Variants in CACNA2D3 observed in about 807,000 individuals in gnomAD.
CACNA2D3 encodes calcium voltage-gated channel auxiliary subunit alpha2delta 3, also known as voltage-dependent calcium channel subunit alpha-2/delta-3.
Under a neutral mutation model 160.6 loss-of-function variants are expected in CACNA2D3, and 60 were observed. The ratio of observed to expected loss-of-function variants is 0.37; its 90% CI spans 0.30 to 0.46. CACNA2D3 has a LOEUF of 0.46. Ranked by LOEUF, CACNA2D3 falls within the 20% of genes least tolerant of loss-of-function variation. The pLI is 1.00. For synonymous variants in CACNA2D3, 558 were observed against 492.9 expected, an observed-to-expected ratio of 1.13 and a Z score of -1.75; for missense variants, 1,205 against 1,365.0, an observed-to-expected ratio of 0.88 and a Z score of 1.85.
At chr3:54,687,696 G>A (rs1384947554) in intron 11 of CACNA2D3, among the ~76,000 whole-genome samples, 1 of 152,204 alleles carries the variant, frequency 6.6e-6, no homozygotes, top group African/African-American at 2.4e-5. Flanking sequence ...GTGTTTGCAG[G>A]AATCATGGAA....
intron 31 of CACNA2D3, among the ~76,000 whole-genome samples, chr3:54,997,064 C>G (rs1427868593): frequency 6.6e-6 from 1 of 152,074 alleles, no homozygotes; most frequent in African/African-American, 2.4e-5. Flanking sequence ...GGAGAAATAC[C>G]TAATGTAGAT....
At chr3:54,662,060 T>C (rs1377414188) in intron 11 of CACNA2D3, among the ~76,000 whole-genome samples, 2 of 152,170 alleles carry the variant, frequency 1.3e-5, no homozygotes, top group Admixed American at 6.5e-5. Flanking sequence ...CTATGCATCA[T>C]AAATTACATA....
intron 35 of CACNA2D3, among the ~76,000 whole-genome samples, chr3:55,045,289 A>G (rs1704050670): frequency 6.6e-6 from 1 of 152,148 alleles, no homozygotes; most frequent in South Asian, 2.1e-4. Context: ...ACCTCAGGTG[A>G]TCCACCCACC....
At chr3:54,611,016 G>A (rs2106788734) in intron 9 of CACNA2D3, among the ~76,000 whole-genome samples, 1 of 152,272 alleles carries the variant, frequency 6.6e-6, no homozygotes, top group South Asian at 2.1e-4. Flanking sequence ...TTTGTGGACA[G>A]CATTCATGTC....
intron 35 of CACNA2D3, among the ~76,000 whole-genome samples, chr3:55,044,650 G>A (rs925965835): frequency 6.6e-6 from 1 of 151,666 alleles, no homozygotes; most frequent in Non-Finnish European, 1.5e-5. Context: ...CCAGAGTGAT[G>A]GTGAATAGGA....
chr3:54,647,353 G>A (rs1311581230), intron 11 of CACNA2D3, among the ~76,000 whole-genome samples: 2 of 152,214 alleles, frequency 1.3e-5, no homozygotes, highest in East Asian at 3.8e-4. Context: ...ATGCTATAAA[G>A]CATCCGCAAG....
At chr3:54,475,494 T>G (rs1700812358) in intron 4 of CACNA2D3, among the ~76,000 whole-genome samples, 1 of 152,146 alleles carries the variant, frequency 6.6e-6, no homozygotes, top group Non-Finnish European at 1.5e-5. Context: ...GAAGAAATCT[T>G]CTTTTAAGAA....
chr3:54,294,766 G>A lies in CACNA2D3; in HGVS notation c.205-25676G>A, dbSNP rs578226111. On this transcript the variant is annotated intron_variant, in intron 2 of 37. Coordinates refer to ENST00000474759, the MANE Select transcript of CACNA2D3 (RefSeq NM_018398.3). Reference sequence around the variant, plus strand: ...GGAAAAAAAATAAAGAGATAGAGCTGGAGATTGCCTGGACTGCAGAGGAAG... The same window carrying A: ...GGAAAAAAAATAAAGAGATAGAGCTAGAGATTGCCTGGACTGCAGAGGAAG... 2.6e-5 allele frequency among the ~76,000 whole-genome samples: 4 copies of A among 152,340 alleles called. No individual in the cohort carries two copies. The South Asian group carries it at 8.3e-4, about 32-fold the overall frequency.
At chr3:54,548,000 C>T (rs1012317897) in intron 5 of CACNA2D3, among the ~76,000 whole-genome samples, 3 of 152,138 alleles carry the variant, frequency 2.0e-5, no homozygotes, top group Non-Finnish European at 4.4e-5. Flanking sequence ...AGCCTAAAAC[C>T]TCATTTTCTT....
Position 55,018,500 on chromosome 3 carries a change from A to C in CACNA2D3, c.2987+183A>C, listed in dbSNP as rs150894998. On this transcript the variant is annotated intron_variant, in intron 35 of 37. Coordinates refer to ENST00000474759, the MANE Select transcript of CACNA2D3 (RefSeq NM_018398.3). ...CACTTGGCTTTATAAGATATTCTAG[A>C]CACTGGGAAGCATTCAGAATGCATG... 1.2e-4 allele frequency among the ~76,000 whole-genome samples: 19 copies of C among 152,332 alleles called. No homozygotes were observed. The East Asian group carries it at 2.7e-3, about 22-fold the overall frequency.
chr3:54,576,356 T>C (rs909923843), intron 8 of CACNA2D3, among the ~76,000 whole-genome samples: 1 of 152,146 alleles, frequency 6.6e-6, no homozygotes, highest in African/African-American at 2.4e-5. Flanking sequence ...CCTGTGAACC[T>C]TGGTGGGAGG....
chr3:54,865,480 C>T (rs1699380083), intron 17 of CACNA2D3, among the ~76,000 whole-genome samples: 1 of 152,196 alleles, frequency 6.6e-6, no homozygotes, highest in South Asian at 2.1e-4. Flanking sequence ...GGCTGCCTTT[C>T]CCCGGGGCCA....
chr3:54,705,160 A>C (rs951254770), intron 11 of CACNA2D3, among the ~76,000 whole-genome samples: 1 of 152,184 alleles, frequency 6.6e-6, no homozygotes, highest in South Asian at 2.1e-4. Context: ...AATACCCACT[A>C]TCTGGATTTA....
chr3:54,243,986 A>G (rs1702021138), intron 2 of CACNA2D3, among the ~76,000 whole-genome samples: 1 of 152,174 alleles, frequency 6.6e-6, no homozygotes, highest in Non-Finnish European at 1.5e-5. Context: ...CAGATACAGG[A>G]GTCCTGCTCC....
Position 54,559,264 on chromosome 3 carries a change from T to A in CACNA2D3, c.545-3536T>A, listed in dbSNP as rs77843785. ...AATACTTGTTTATTCTCCTTCTTTG[T>A]CTTCACCCTTATTTTTTTTCCAACT... On this transcript the variant is annotated intron_variant, in intron 5 of 37. Transcript: ENST00000474759. Among the ~76,000 whole-genome samples the A allele has an allele frequency of 1.9e-3, 295 of 152,282 alleles. 1 individual carries two copies. The highest frequency in any genetic ancestry group is 6.5e-3 in the African/African-American group (271 of 41,560).
At chr3:54,133,350 T>A in intron 2 of CACNA2D3, among the ~76,000 whole-genome samples, 1 of 152,184 alleles carries the variant, frequency 6.6e-6, no homozygotes, top group East Asian at 1.9e-4. Context: ...GCTACATGGC[T>A]CCACGTGGCA....
chr3:54,797,271 G>A (rs1367614925), intron 13 of CACNA2D3, among the ~76,000 whole-genome samples: 1 of 152,166 alleles, frequency 6.6e-6, no homozygotes, highest in African/African-American at 2.4e-5. Context: ...GTGTTTCCCA[G>A]GAATGTATCT....
At chr3:54,825,681 A>C (rs1273025388) in intron 14 of CACNA2D3, among the ~76,000 whole-genome samples, 1 of 152,246 alleles carries the variant, frequency 6.6e-6, no homozygotes, top group Non-Finnish European at 1.5e-5. Flanking sequence ...TAAGCAACCC[A>C]GGAAATAAAC....
intron 26 of CACNA2D3, among the ~76,000 whole-genome samples, chr3:54,898,119 TTC>T (rs1385473469): frequency 6.8e-6 from 1 of 147,698 alleles, no homozygotes; most frequent in African/African-American, 2.5e-5. Flanking sequence ...TCTTTTTTCT[TTC>T]TTTCTTTTTC....
Sources: allele counts gnomAD v4.1 joint callset (sites outside exome capture counted in the v4.1 genomes callset), GRCh38; gene constraint gnomAD v4.1.1; transcripts MANE v1.5; gene names NCBI Gene and HGNC (gene_info 2026-07-23, HGNC 2026-07-21).